OVGP1: variants seen among roughly 807,000 people sequenced by gnomAD.
OVGP1 encodes oviduct-specific glycoprotein.
OVGP1 carries 26 observed loss-of-function variants against 48.2 expected under a neutral mutation model. That is an observed-to-expected ratio of 0.54 (90% CI 0.40 to 0.75). The LOEUF (loss-of-function observed/expected upper bound fraction) is 0.75, where lower values mean the gene tolerates loss of function less well. OVGP1 is among the 30% of genes least tolerant of loss of function. The pLI is 0.00. For synonymous variants in OVGP1, 294 were observed against 305.7 expected, an observed-to-expected ratio of 0.96 and a Z score of 0.40; for missense variants, 791 against 820.6, an observed-to-expected ratio of 0.96 and a Z score of 0.44.
intron 5 of OVGP1, 74 bp downstream of exon 5, chr1:111,423,469 C>T (rs1388070782): frequency 2.0e-6 from 3 of 1,500,712 alleles, no homozygotes; most frequent in Non-Finnish European, 1.8e-6. Flanking sequence ...GACTTATGCT[C>T]TTCTCCTGCC....
intron 10 of OVGP1, 132 bp downstream of exon 10, chr1:111,416,191 G>T: frequency 1.1e-6 from 1 of 938,666 alleles, no homozygotes; most frequent in Non-Finnish European, 1.5e-6. Flanking sequence ...AAAACATATT[G>T]GCCTGGCAAA....
At position 111,421,359 on chromosome 1, in the gene OVGP1, T is replaced by C; in HGVS notation, c.820A>G (p.Lys274Glu). Residue 274 changes from lysine to glutamate, a missense_variant, in exon 8 of 11, where the codon AAG becomes GAG. By Grantham distance (56) the Lys-to-Glu change is moderately conservative. Transcript: ENST00000369732. The part of the protein sequence containing the change: ...GRTFRLLKAS[K>E]NGLQARAIGP... ...ATCGCTCTGGCCTGCAACCCATTCT[T>C]AGAGGCTTTGAGGAGGCGAAAGGTA... The C allele has an allele frequency of 3.1e-6, 5 of 1,614,150 alleles. No individual in the cohort carries two copies. Among genetic ancestry groups the C allele is most frequent in the East Asian group, 4.5e-5 (2 of 44,882 alleles).
At chr1:111,423,483 A>C in intron 5 of OVGP1, 60 bp downstream of exon 5, 2 of 1,558,326 alleles carry the variant, frequency 1.3e-6, no homozygotes, top group Non-Finnish European at 1.8e-6. Context: ...TCCTGCCATA[A>C]GCCTAGATAT....
chr1:111,427,213 A>T (rs1005622380), intron 1 of OVGP1, 122 bp from the exon 2 acceptor site: 7 of 1,548,682 alleles, frequency 4.5e-6, no homozygotes, highest in Non-Finnish European at 6.1e-6. Context: ...AGATGCAGAC[A>T]CACAAATGGG....
At position 111,421,463 on chromosome 1, in the gene OVGP1, T is replaced by A; in HGVS notation, c.718-2A>T. ...TCTCCAATAATTCATAGCATATGCC[T>A]GCAGGTAAGAAGAATCCAGACTCCT... On this transcript the variant is annotated splice_acceptor_variant, in intron 7 of 10. Transcript: ENST00000369732. LOFTEE classifies it high-confidence loss of function. 1 of 1,610,000 alleles carries A rather than the reference T, an allele frequency of 6.2e-7. No homozygotes were observed. Among genetic ancestry groups the A allele is most frequent in the East Asian group, 2.2e-5 (1 of 44,860 alleles).
At chr1:111,426,726 C>G in intron 2 of OVGP1, 85 bp from the exon 3 acceptor site, 1 of 1,556,458 alleles carries the variant, frequency 6.4e-7, no homozygotes, top group South Asian at 1.2e-5. Flanking sequence ...GAACGCAGCC[C>G]AAGAGACCAG....
At position 111,414,400 on chromosome 1, in the gene OVGP1, G is replaced by T. The variant is rs559660470; in HGVS notation, c.*64C>A. The T allele has an allele frequency of 2.1e-6, 3 of 1,431,526 alleles. No individual in the cohort carries two copies. The African/African-American group carries it at 4.3e-5, about 21-fold the overall frequency. 88.7% of individuals were successfully genotyped at this position (1,431,526 alleles called of 1,614,324 possible). A position where few individuals can be genotyped will look rare whatever the true frequency, so the allele number is the denominator to read the frequency against. On this transcript the variant is annotated 3_prime_UTR_variant, in exon 11 of 11. Coordinates refer to ENST00000369732, the MANE Select transcript of OVGP1 (RefSeq NM_002557.4). ...GCCTGCTTTGCCCCGGGATGAGAAG[G>T]CTTCCAACATGTCACTTAGAAGAAA...
chr1:111,421,262 GA>G lies in OVGP1; in HGVS notation c.903+13del. 2.5e-6 allele frequency: 4 copies of G among 1,588,132 alleles called. No individual in the cohort carries two copies. Among genetic ancestry groups the G allele is most frequent in the Non-Finnish European group, 3.4e-6 (4 of 1,167,730 alleles). ...GAGTCCTAACTGCTAGACAGAGACT[GA>G]TATTCCCATCACCTCAAAATAAGCC... On this transcript the variant is annotated intron_variant, in intron 8 of 10. Coordinates refer to ENST00000369732, the MANE Select transcript of OVGP1 (RefSeq NM_002557.4).
At position 111,421,372 on chromosome 1, in the gene OVGP1, G is replaced by A. The variant is rs1476991629; in HGVS notation, c.807C>T (p.Leu269=). ...GIPTYGRTFR[L]LKASKNGLQA... is the part of the protein sequence containing the mutation. ...GCAACCCATTCTTAGAGGCTTTGAGGAGGCGAAAGGTACGTCCATAGGTGG... is the reference window on the plus strand; with the variant it reads ...GCAACCCATTCTTAGAGGCTTTGAGAAGGCGAAAGGTACGTCCATAGGTGG... Residue 269 remains leucine (L), a synonymous_variant, in exon 8 of 11, where the codon CTC becomes CTT. Coordinates refer to ENST00000369732, the MANE Select transcript of OVGP1 (RefSeq NM_002557.4). The A allele has an allele frequency of 6.2e-7, 1 of 1,614,032 alleles. No individual in the cohort carries two copies. The highest frequency in any genetic ancestry group is 1.3e-5 in the African/African-American group (1 of 74,932).
At position 111,425,380 on chromosome 1, in the gene OVGP1, C is replaced by T. The variant is rs1380809352; in HGVS notation, c.317+3G>A. ...GGAGAAGAGAATAACAGCAAAGTCT[C>T]ACCTTGAGGTGCCAAAGTTCCACCC... On this transcript the variant is annotated splice_donor_region_variant and intron_variant, in intron 4 of 10. Transcript: ENST00000369732. The T allele has an allele frequency of 6.2e-7, 1 of 1,613,630 alleles. No individual in the cohort carries two copies. The highest frequency in any genetic ancestry group is 8.5e-7 in the Non-Finnish European group (1 of 1,179,842).
rs1000553772 is a variant in OVGP1 at position 111,426,644 on chromosome 1, G to A, written c.56-3C>T. On this transcript the variant is annotated splice_region_variant and splice_polypyrimidine_tract_variant and intron_variant, in intron 2 of 10. Coordinates refer to ENST00000369732, the MANE Select transcript of OVGP1 (RefSeq NM_002557.4). ...ACACACGAGTTTATGGGCAGCACCT[G>A]GTAAGGGAGAGCACACATTAGTTGG... 3.1e-6 allele frequency: 5 copies of A among 1,613,216 alleles called. No individual in the cohort carries two copies. The Admixed American group carries it at 8.3e-5, about 27-fold the overall frequency.
Position 111,414,964 on chromosome 1 carries a change from CCA to C in OVGP1, c.1535_1536del (p.Val512GlyfsTer43), listed in dbSNP as rs756860574. The C allele has an allele frequency of 2.8e-5, 23 of 808,094 alleles. No homozygotes were observed. In the African/African-American group the frequency reaches 4.4e-4, roughly 15 times the overall value. The allele number at this position is 808,094 out of a possible 1,614,324, so 50.1% of individuals were successfully genotyped here. On this transcript the variant is annotated frameshift_variant, in exon 11 of 11. Transcript: ENST00000369732. LOFTEE classifies it low-confidence loss of function (END_TRUNC). ...VTTGQKTLTS[V>X]GYQSVTPGEK... ...TCCCCAGGGGTCACAGACTGATAAC[CCA>C]CAGAGGTCAGGGTCTTCTGTCCAGT...
At chr1:111,415,783 G>A (rs1446224604) in intron 10 of OVGP1, among the ~76,000 whole-genome samples, 1 of 152,192 alleles carries the variant, frequency 6.6e-6, no homozygotes, top group Non-Finnish European at 1.5e-5. Context: ...AGGCAAGGAG[G>A]CTAGGGACAG....
chr1:111,418,487 C>T (rs1652185997), intron 9 of OVGP1, among the ~76,000 whole-genome samples: 1 of 152,244 alleles, frequency 6.6e-6, no homozygotes, highest in South Asian at 2.1e-4. Context: ...AGTGAATCTT[C>T]ATGAGTGCCT....
rs190148058 is a variant in OVGP1 at position 111,419,460 on chromosome 1, A to C, written c.1020+150T>G. On this transcript the variant is annotated intron_variant, in intron 9 of 10. Transcript: ENST00000369732. ...ATGGGATTATAAAGCCCCAGTTAGA[A>C]CTAAAATGTAGGCATGCCTGAAACC... 47 of 646,462 alleles carry C rather than the reference A, an allele frequency of 7.3e-5. No individual in the cohort carries two copies. The Admixed American group carries it at 7.6e-4, about 11-fold the overall frequency. The allele number at this position is 646,462 out of a possible 1,614,324, so 40.0% of individuals were successfully genotyped here. A position where few individuals can be genotyped will look rare whatever the true frequency, so the allele number is the denominator to read the frequency against.
chr1:111,427,514 GCT>G, intron 1 of OVGP1, 181 bp downstream of exon 1: 1 of 509,118 alleles, frequency 2.0e-6, no homozygotes. Flanking sequence ...GAGAACCACT[GCT>G]CTGACCACTT....
chr1:111,417,572 C>T (rs1652165093), intron 9 of OVGP1, among the ~76,000 whole-genome samples: 1 of 152,116 alleles, frequency 6.6e-6, no homozygotes, highest in South Asian at 2.1e-4. Context: ...GTTTCTGAGA[C>T]TTTTATGCTA....
intron 9 of OVGP1, 29 bp from the exon 10 acceptor site, chr1:111,416,487 T>C (rs762912501): frequency 6.3e-7 from 1 of 1,584,950 alleles, no homozygotes; most frequent in Non-Finnish European, 8.6e-7. Flanking sequence ...GTCAACCTGC[T>C]GTACTTGTCA....
intron 3 of OVGP1, 83 bp downstream of exon 3, chr1:111,426,354 T>G (rs779334739): frequency 3.7e-5 from 59 of 1,591,222 alleles, no homozygotes; most frequent in Non-Finnish European, 4.9e-5. Context: ...TAGAAGAAAG[T>G]TGAAGAGTAA....
Sources: allele counts gnomAD v4.1 joint callset (sites outside exome capture counted in the v4.1 genomes callset), GRCh38; gene constraint gnomAD v4.1.1; transcripts MANE v1.5; gene names NCBI Gene and HGNC (gene_info 2026-07-23, HGNC 2026-07-21).